The following PSD3 variants were observed in gnomAD, a reference collection of about 807,000 sequenced individuals.
PSD3 encodes PH and SEC7 domain-containing protein 3.
Under a neutral mutation model 105.5 loss-of-function variants are expected in PSD3, and 49 were observed. The ratio of observed to expected loss-of-function variants is 0.46; its 90% CI spans 0.37 to 0.59. The LOEUF (loss-of-function observed/expected upper bound fraction) is 0.59. PSD3 is among the 20% of genes least tolerant of loss of function. The pLI, the probability that PSD3 is intolerant of heterozygous loss-of-function variation, is 0.00. For synonymous variants in PSD3, 557 were observed against 457.8 expected, an observed-to-expected ratio of 1.22 and a Z score of -2.77; for missense variants, 1,561 against 1,263.8, an observed-to-expected ratio of 1.24 and a Z score of -3.57.
At chr8:18,990,782 A>T (rs1825747725) in intron 1 of PSD3, among the ~76,000 whole-genome samples, 1 of 152,122 alleles carries the variant, frequency 6.6e-6, no homozygotes, top group Non-Finnish European at 1.5e-5. Flanking sequence ...TCCTCCACCT[A>T]CCTTTCCATG....
intron 9 of PSD3, among the ~76,000 whole-genome samples, chr8:18,703,402 G>A (rs75637187): frequency 0.011 from 1,665 of 152,268 alleles, 32 homozygotes; most frequent in African/African-American, 0.038. Flanking sequence ...CTTTTAAGAC[G>A]TCGAAATTGA....
intron 8 of PSD3, chr8:18,774,996 T>C: frequency 6.6e-6 from 3 of 455,984 alleles, no homozygotes; most frequent in South Asian, 4.6e-5. Context: ...TTCAAAACCC[T>C]TTCTAAATCC....
chr8:18,562,124 C>T (rs147439969), intron 14 of PSD3, among the ~76,000 whole-genome samples: 142 of 152,220 alleles, frequency 9.3e-4, no homozygotes, highest in African/African-American at 3.2e-3. Context: ...TATCCATCCG[C>T]GAACCTCACC....
intron 4 of PSD3, among the ~76,000 whole-genome samples, chr8:18,847,171 T>A (rs1815162400): frequency 6.6e-6 from 1 of 152,126 alleles, no homozygotes; most frequent in African/African-American, 2.4e-5. Flanking sequence ...TGAAAAGGGA[T>A]GGAGAAGAGG....
At chr8:19,057,345 T>A (rs1281778269) in intron 1 of PSD3, among the ~76,000 whole-genome samples, 1 of 152,164 alleles carries the variant, frequency 6.6e-6, no homozygotes, top group Non-Finnish European at 1.5e-5. Flanking sequence ...TGGAAGTTTC[T>A]CTTGACCTCT....
intron 1 of PSD3, among the ~76,000 whole-genome samples, chr8:18,964,461 T>C (rs981028979): frequency 1.5e-5 from 2 of 132,970 alleles, no homozygotes; most frequent in African/African-American, 5.1e-5. Context: ...ATAACCTTAA[T>C]GACTTTTTTT....
chr8:18,934,932 C>A (rs1440584695), intron 2 of PSD3, among the ~76,000 whole-genome samples: 2 of 152,220 alleles, frequency 1.3e-5, no homozygotes, highest in Non-Finnish European at 2.9e-5. Context: ...GTACCTCCTT[C>A]TAGGAAAATG....
intron 4 of PSD3, chr8:18,808,874 C>G (rs191202997): frequency 3.3e-5 from 53 of 1,588,364 alleles, no homozygotes; most frequent in Non-Finnish European, 4.3e-5. Context: ...GACTGCCGAG[C>G]CTCACAGCCT....
intron 11 of PSD3, among the ~76,000 whole-genome samples, chr8:18,627,835 C>G (rs1195068807): frequency 1.3e-5 from 2 of 150,062 alleles, no homozygotes; most frequent in Admixed American, 6.6e-5. Context: ...ATGACTAAAG[C>G]CAGCAGAAAA....
At chr8:18,671,812 T>C (rs1799800288) in intron 9 of PSD3, among the ~76,000 whole-genome samples, 1 of 152,258 alleles carries the variant, frequency 6.6e-6, no homozygotes, top group African/African-American at 2.4e-5. Context: ...TTTGTATTTT[T>C]AGTAGAGATG....
chr8:18,725,318 G>A (rs1006687652), intron 9 of PSD3, among the ~76,000 whole-genome samples: 2 of 152,188 alleles, frequency 1.3e-5, no homozygotes, highest in African/African-American at 4.8e-5. Flanking sequence ...ACAAGGGACA[G>A]AAATATCAAA....
At chr8:18,575,973 T>G (rs1563338861) in intron 12 of PSD3, among the ~76,000 whole-genome samples, 1 of 152,114 alleles carries the variant, frequency 6.6e-6, no homozygotes, top group Non-Finnish European at 1.5e-5. Flanking sequence ...TTCCCATATT[T>G]TATCAAAAAC....
At position 18,878,170 on chromosome 8, in the gene PSD3, GA is replaced by G. The variant is rs1190531140; in HGVS notation, c.131-5438del. 2.6e-5 allele frequency among the ~76,000 whole-genome samples: 4 copies of G among 151,826 alleles called. No homozygotes were observed. The East Asian group carries it at 7.7e-4, about 29-fold the overall frequency. On this transcript the variant is annotated intron_variant, in intron 2 of 15. Transcript: ENST00000327040. The stretch of plus-strand genomic sequence containing the variant: ...TTTTTTTTATAATTTTAAATGTACA[GA>G]TTTTCAATTTATTCCCCTAAGATTC...
chr8:18,988,239 G>C (rs1482239238), intron 1 of PSD3, among the ~76,000 whole-genome samples: 1 of 152,048 alleles, frequency 6.6e-6, no homozygotes, highest in Non-Finnish European at 1.5e-5. Flanking sequence ...GCAAAGATTT[G>C]ACTAAAAGTG....
intron 9 of PSD3, among the ~76,000 whole-genome samples, chr8:18,707,253 A>G (rs1286109625): frequency 1.3e-5 from 2 of 152,158 alleles, no homozygotes; most frequent in Non-Finnish European, 1.5e-5. Flanking sequence ...TCACAACAGC[A>G]GCACTACCCC....
chr8:18,939,223 A>G (rs1224462127), intron 1 of PSD3, among the ~76,000 whole-genome samples: 1 of 152,172 alleles, frequency 6.6e-6, no homozygotes, highest in Non-Finnish European at 1.5e-5. Context: ...GTGGGGAAGC[A>G]ATTGCCAATC....
chr8:18,887,397 T>C (rs1159598852), intron 2 of PSD3, among the ~76,000 whole-genome samples: 1 of 152,170 alleles, frequency 6.6e-6, no homozygotes, highest in East Asian at 1.9e-4. Context: ...AAATGTGACA[T>C]GAGAAGACTC....
At chr8:18,886,080 C>G (rs1188927751) in intron 2 of PSD3, among the ~76,000 whole-genome samples, 1 of 152,018 alleles carries the variant, frequency 6.6e-6, no homozygotes, top group Non-Finnish European at 1.5e-5. Context: ...AACATTATGT[C>G]TTTCTAAAAC....
At chr8:18,812,052 TC>T (rs1469191111) in intron 4 of PSD3, among the ~76,000 whole-genome samples, 26 of 152,220 alleles carry the variant, frequency 1.7e-4, no homozygotes, top group African/African-American at 5.5e-4. Flanking sequence ...CCATATGACT[TC>T]CTAAATCTCG....
Sources: gnomAD v4.1 joint callset for allele counts (sites outside exome capture counted in the v4.1 genomes callset) on GRCh38, gnomAD v4.1.1 for gene constraint, MANE v1.5 for transcripts, NCBI Gene and HGNC (gene_info 2026-07-23, HGNC 2026-07-21) for gene names.